The following MAP3K13 variants were observed in gnomAD, a reference collection of about 807,000 sequenced individuals.
MAP3K13 encodes leucine zipper-bearing kinase.
In MAP3K13, 52 loss-of-function variants were observed where a neutral mutation model predicts 104.0. The observed-to-expected ratio is 0.50, with a 90% CI of 0.40 to 0.63. MAP3K13 has a LOEUF of 0.63. Ranked by LOEUF, MAP3K13 falls within the 20% of genes least tolerant of loss-of-function variation. MAP3K13 has a pLI of 0.00. For missense variants in MAP3K13, 914 were observed against 1,218.5 expected (o/e 0.75, Z 3.72); for synonymous variants, 394 against 442.2 (o/e 0.89, Z 1.37).
At position 185,343,742 on chromosome 3, in the gene MAP3K13, C is replaced by T. The variant is rs150565265; in HGVS notation, c.-86+58099C>T. Among the ~76,000 whole-genome samples, 351 of 152,234 alleles carry T rather than the reference C, an allele frequency of 2.3e-3. 2 individuals are homozygous for T. Among genetic ancestry groups the T allele is most frequent in the African/African-American group, 7.7e-3 (321 of 41,536 alleles). On this transcript the variant is annotated intron_variant, in intron 2 of 14. Coordinates refer to the MAP3K13 transcript ENST00000424227. ...CTGGGATTACAGGTGTAAGCCACTGCGCCTGGCTGGATATTTTTTAATGAC... is the reference window on the plus strand; with the variant it reads ...CTGGGATTACAGGTGTAAGCCACTGTGCCTGGCTGGATATTTTTTAATGAC...
chr3:185,389,362 A>G (rs979592054), intron 1 of MAP3K13, among the ~76,000 whole-genome samples: 2 of 152,176 alleles, frequency 1.3e-5, no homozygotes, highest in African/African-American at 4.8e-5. Context: ...AGTTTCTCCT[A>G]TGTATATAAT....
At chr3:185,469,565 C>T (rs1717652169) in intron 10 of MAP3K13, among the ~76,000 whole-genome samples, 1 of 152,218 alleles carries the variant, frequency 6.6e-6, no homozygotes, top group African/African-American at 2.4e-5. Flanking sequence ...ACCCTACCCA[C>T]CTTATCATAA....
intron 5 of MAP3K13, 32 bp downstream of exon 5, chr3:185,447,979 A>G: frequency 6.3e-7 from 1 of 1,589,498 alleles, no homozygotes; most frequent in Non-Finnish European, 8.6e-7. Context: ...GCCAACTAAA[A>G]AGCCTTTTCC....
chr3:185,393,994 C>T (rs531906578), intron 1 of MAP3K13, among the ~76,000 whole-genome samples: 267 of 152,122 alleles, frequency 1.8e-3, no homozygotes, highest in Non-Finnish European at 2.3e-3. Flanking sequence ...CAAGTGTGGC[C>T]ACTTATTCAA....
intron 2 of MAP3K13, chr3:185,292,106 A>T (rs558722287): frequency 1.8e-6 from 1 of 546,576 alleles, no homozygotes; most frequent in Admixed American, 6.3e-5. Flanking sequence ...GGCATTTGAG[A>T]CCAGCCTGGC....
At chr3:185,446,784 G>A (rs1229416697) in intron 4 of MAP3K13, among the ~76,000 whole-genome samples, 1 of 152,212 alleles carries the variant, frequency 6.6e-6, no homozygotes, top group African/African-American at 2.4e-5. Flanking sequence ...CATTTAAACA[G>A]TGTTTTAAAA....
At chr3:185,461,157 T>C (rs1390259752) in intron 7 of MAP3K13, among the ~76,000 whole-genome samples, 1 of 152,212 alleles carries the variant, frequency 6.6e-6, no homozygotes, top group Non-Finnish European at 1.5e-5. Flanking sequence ...GTTTACAGCT[T>C]AGATGCTGTC....
chr3:185,487,965 G>C lies in MAP3K13; in HGVS notation c.*5509G>C, dbSNP rs1718799527. 6.6e-6 allele frequency: 1 copy of C among 152,192 alleles called. No homozygotes were observed. The highest frequency in any genetic ancestry group is 6.5e-5 in the Admixed American group (1 of 15,280). The allele number at this position is 152,192 out of a possible 1,614,324, so 9.4% of individuals were successfully genotyped here. A position where few individuals can be genotyped will look rare whatever the true frequency, so the allele number is the denominator to read the frequency against. ...TGTGGCTGTCAGGGGCGGTACCACA[G>C]AAAGGGGAAAGGCCACTTGCCTCTA... On this transcript the variant is annotated 3_prime_UTR_variant, in exon 14 of 14. Coordinates refer to ENST00000265026, the MANE Select transcript of MAP3K13 (RefSeq NM_004721.5).
chr3:185,465,639 C>T, intron 8 of MAP3K13, 108 bp from the exon 9 acceptor site: 3 of 755,936 alleles, frequency 4.0e-6, no homozygotes, highest in Non-Finnish European at 7.1e-6. Context: ...AGTAAGAGGG[C>T]CTTGGGCAAA....
chr3:185,479,870 G>A (rs1461851681), intron 12 of MAP3K13, among the ~76,000 whole-genome samples: 2 of 152,114 alleles, frequency 1.3e-5, no homozygotes, highest in African/African-American at 4.8e-5. Context: ...GCACATGAAT[G>A]TTGAAAAAAG....
chr3:185,346,391 A>T (rs1434946021), intron 2 of MAP3K13, among the ~76,000 whole-genome samples: 3 of 152,194 alleles, frequency 2.0e-5, no homozygotes, highest in Admixed American at 6.5e-5. Flanking sequence ...CCTTCTAGTC[A>T]TCTATACATG....
chr3:185,393,710 G>A (rs538963242), intron 1 of MAP3K13, among the ~76,000 whole-genome samples: 8 of 152,130 alleles, frequency 5.3e-5, no homozygotes, highest in Admixed American at 5.2e-4. Context: ...CACCCGCCTC[G>A]GCCTCCAAAG....
chr3:185,399,674 G>A (rs1313166559), intron 1 of MAP3K13, among the ~76,000 whole-genome samples: 5 of 88,088 alleles, frequency 5.7e-5, no homozygotes, highest in African/African-American at 2.1e-4. Context: ...AAGGAAGGAA[G>A]GAAGGAAGGA....
intron 1 of MAP3K13, among the ~76,000 whole-genome samples, chr3:185,381,891 C>T (rs1724738870): frequency 6.6e-6 from 1 of 152,234 alleles, no homozygotes; most frequent in Non-Finnish European, 1.5e-5. Context: ...TAACCCTATA[C>T]TTCCCCTAGG....
chr3:185,365,911 CTT>C (rs1723863145), intron 1 of MAP3K13, among the ~76,000 whole-genome samples: 1 of 56,142 alleles, frequency 1.8e-5, no homozygotes, highest in Non-Finnish European at 3.3e-5. Flanking sequence ...CCTCCCCTCT[CTT>C]CCCCTCCCCT....
intron 2 of MAP3K13, among the ~76,000 whole-genome samples, chr3:185,330,355 G>A (rs1478467212): frequency 6.6e-6 from 1 of 151,680 alleles, no homozygotes; most frequent in African/African-American, 2.4e-5. Flanking sequence ...CGGGAGCTCA[G>A]ATCATGGTGC....
chr3:185,365,295 A>G (rs1393245581), intron 1 of MAP3K13, among the ~76,000 whole-genome samples: 1 of 152,208 alleles, frequency 6.6e-6, no homozygotes, highest in African/African-American at 2.4e-5. Context: ...CCTGTGTATC[A>G]GTGACTGTCA....
At chr3:185,384,949 A>G (rs1039787242) in intron 1 of MAP3K13, among the ~76,000 whole-genome samples, 6 of 152,130 alleles carry the variant, frequency 3.9e-5, no homozygotes, top group African/African-American at 1.2e-4. Flanking sequence ...TTTTAAATTC[A>G]GTGTAGTCCT....
At chr3:185,302,239 C>T (rs1362631315) in intron 2 of MAP3K13, among the ~76,000 whole-genome samples, 1 of 148,604 alleles carries the variant, frequency 6.7e-6, no homozygotes, top group South Asian at 2.1e-4. Flanking sequence ...CCTGTCTCTA[C>T]TAAAAATACA....
Sources: gnomAD v4.1 joint callset for allele counts (sites outside exome capture counted in the v4.1 genomes callset) on GRCh38, gnomAD v4.1.1 for gene constraint, MANE v1.5 for transcripts, NCBI Gene and HGNC (gene_info 2026-07-23, HGNC 2026-07-21) for gene names.